Variants in TFPI observed in about 807,000 individuals in gnomAD.
The protein encoded by TFPI is tissue factor pathway inhibitor.
In TFPI, 15 loss-of-function variants were observed where a neutral mutation model predicts 34.6. That is an observed-to-expected ratio of 0.43 (90% CI 0.29 to 0.67). The LOEUF is 0.67. Among genes scored for constraint, TFPI ranks in the 30% least tolerant of loss-of-function variants. The pLI is 0.15. For missense variants in TFPI, 301 were observed against 364.0 expected, an observed-to-expected ratio of 0.83 and a Z score of 1.41; for synonymous variants, 105 against 120.1, an observed-to-expected ratio of 0.87 and a Z score of 0.82.
intron 3 of TFPI, among the ~76,000 whole-genome samples, chr2:187,496,594 A>G (rs1245876539): frequency 6.6e-6 from 1 of 152,136 alleles, no homozygotes; most frequent in Non-Finnish European, 1.5e-5. Flanking sequence ...ATAGTTGAAC[A>G]TGCAAGTTGA....
chr2:187,485,506 T>G (rs2106018769), intron 4 of TFPI, among the ~76,000 whole-genome samples: 1 of 151,864 alleles, frequency 6.6e-6, no homozygotes, highest in African/African-American at 2.4e-5. Flanking sequence ...TCCTGAATTC[T>G]TATGCGGGAA....
At chr2:187,471,945 GGAATT>G (rs1258814956) in intron 6 of TFPI, among the ~76,000 whole-genome samples, 2 of 151,350 alleles carry the variant, frequency 1.3e-5, no homozygotes, top group African/African-American at 4.8e-5. Context: ...GACTTTTTAG[GGAATT>G]GAATAACAAA....
At chr2:187,553,284 G>GT (rs769246865) in intron 1 of TFPI, among the ~76,000 whole-genome samples, 22 of 151,794 alleles carry the variant, frequency 1.4e-4, no homozygotes, top group Non-Finnish European at 2.7e-4. Context: ...TGCCCTTTGT[G>GT]TTTATATTAT....
intron 2 of TFPI, among the ~76,000 whole-genome samples, chr2:187,501,671 A>G (rs1685860963): frequency 6.6e-6 from 1 of 152,090 alleles, no homozygotes; most frequent in South Asian, 2.1e-4. Context: ...CAGTCTCACA[A>G]AGGTACTAGG....
rs111945217 is a variant in TFPI, at chr2:187,484,797, A to G, written c.535+14T>C. ...CCTATAAATGAACTAAAATGAAATA[A>G]GAAATAAACTTACGACCATCTTCAC... On this transcript the variant is annotated intron_variant, in intron 5 of 7. Transcript: ENST00000233156. 6.4e-7 allele frequency: 1 copy of G among 1,566,072 alleles called. No individual in the cohort carries two copies. Among genetic ancestry groups the G allele is most frequent in the African/African-American group, 1.4e-5 (1 of 71,730 alleles).
chr2:187,541,628 G>C (rs1055296358), intron 1 of TFPI, among the ~76,000 whole-genome samples: 3 of 152,100 alleles, frequency 2.0e-5, no homozygotes, highest in African/African-American at 7.2e-5. Context: ...GGGTGAATGA[G>C]ATCTATTTAT....
intron 1 of TFPI, among the ~76,000 whole-genome samples, chr2:187,528,029 TATTA>T (rs1283806683): frequency 1.3e-5 from 2 of 151,976 alleles, no homozygotes; most frequent in African/African-American, 2.4e-5. Context: ...TAAATAAATA[TATTA>T]ATTAAATTTG....
intron 1 of TFPI, among the ~76,000 whole-genome samples, chr2:187,537,158 G>A (rs537531494): frequency 1.3e-5 from 2 of 152,236 alleles, no homozygotes; most frequent in Admixed American, 6.5e-5. Context: ...TAGCCATACT[G>A]TCCTAAGTAA....
chr2:187,512,990 C>T (rs187321734), intron 1 of TFPI, among the ~76,000 whole-genome samples: 1 of 152,108 alleles, frequency 6.6e-6, no homozygotes, highest in Non-Finnish European at 1.5e-5. Context: ...AATTGGGCCT[C>T]CTGAATGTAA....
At chr2:187,509,192 G>A (rs1031777368) in intron 1 of TFPI, among the ~76,000 whole-genome samples, 8 of 152,130 alleles carry the variant, frequency 5.3e-5, no homozygotes, top group Non-Finnish European at 8.8e-5. Context: ...GCTGGATTTG[G>A]TTTGCCAGTA....
At chr2:187,540,279 CA>C (rs1351705562) in intron 1 of TFPI, among the ~76,000 whole-genome samples, 5 of 151,968 alleles carry the variant, frequency 3.3e-5, no homozygotes, top group Admixed American at 6.6e-5. Flanking sequence ...TACCTTGCTG[CA>C]AAAAATTGCA....
chr2:187,472,610 C>G (rs1418476830), intron 6 of TFPI, among the ~76,000 whole-genome samples: 3 of 152,152 alleles, frequency 2.0e-5, no homozygotes, highest in African/African-American at 4.8e-5. Context: ...CTATGTGGGA[C>G]AAGAAACTGC....
chr2:187,485,289 CATT>C (rs1460137160), intron 4 of TFPI, among the ~76,000 whole-genome samples: 2 of 151,700 alleles, frequency 1.3e-5, no homozygotes, highest in East Asian at 1.9e-4. Context: ...AATTACAAAA[CATT>C]ATGGCAAAAA....
intron 3 of TFPI, among the ~76,000 whole-genome samples, chr2:187,489,343 A>C (rs8176497): frequency 0.05 from 7,511 of 151,180 alleles, 217 homozygotes; most frequent in South Asian, 0.12. Flanking sequence ...CTTCTTTTCT[A>C]ATTGTACTAT....
At chr2:187,533,340 C>T (rs1409140932) in intron 1 of TFPI, among the ~76,000 whole-genome samples, 1 of 152,124 alleles carries the variant, frequency 6.6e-6, no homozygotes, top group East Asian at 1.9e-4. Flanking sequence ...GGTGGGTTCC[C>T]CTCTGGGATG....
intron 3 of TFPI, among the ~76,000 whole-genome samples, chr2:187,488,982 A>G (rs1377128220): frequency 1.3e-5 from 2 of 151,564 alleles, no homozygotes; most frequent in Non-Finnish European, 3.0e-5. Context: ...TATTCCAAGT[A>G]TGAATTCTAA....
At chr2:187,517,141 A>C (rs1007965428) in intron 1 of TFPI, 1 of 152,104 alleles carries the variant, frequency 6.6e-6, no homozygotes, top group African/African-American at 2.4e-5. Context: ...TCTTCGCAGC[A>C]CCAAGCACTT....
intron 6 of TFPI, among the ~76,000 whole-genome samples, chr2:187,468,498 G>A (rs1030499107): frequency 2.6e-5 from 4 of 151,964 alleles, no homozygotes. Flanking sequence ...TAAGTTTCAA[G>A]GAATGAGTCC....
chr2:187,543,313 C>T (rs1338130934), intron 1 of TFPI, among the ~76,000 whole-genome samples: 2 of 151,990 alleles, frequency 1.3e-5, no homozygotes, highest in African/African-American at 4.8e-5. Context: ...ATCCATCTAC[C>T]GAATTTAATA....
Sources: allele counts gnomAD v4.1 joint callset (sites outside exome capture counted in the v4.1 genomes callset), GRCh38; gene constraint gnomAD v4.1.1; transcripts MANE v1.5; gene names NCBI Gene and HGNC (gene_info 2026-07-23, HGNC 2026-07-21).